Variants in PRKG1 observed in about 807,000 individuals in gnomAD.
The protein encoded by PRKG1 is cGMP-dependent protein kinase 1.
In PRKG1, 35 loss-of-function variants were observed where a neutral mutation model predicts 88.1. The observed-to-expected ratio is 0.40, with a 90% CI of 0.30 to 0.53. PRKG1 has a LOEUF of 0.53. Ranked by LOEUF, PRKG1 falls within the 20% of genes least tolerant of loss-of-function variation. PRKG1 has a pLI of 0.59. For synonymous variants in PRKG1, 303 were observed against 292.5 expected, an observed-to-expected ratio of 1.04 and a Z score of -0.37; for missense variants, 540 against 839.8, an observed-to-expected ratio of 0.64 and a Z score of 4.41.
chr10:51,614,415 T>G (rs1020186139), intron 3 of PRKG1, among the ~76,000 whole-genome samples: 1 of 151,910 alleles, frequency 6.6e-6, no homozygotes, highest in Non-Finnish European at 1.5e-5. Context: ...AGGCAGCATA[T>G]AGTTGTATCT....
intron 10 of PRKG1, among the ~76,000 whole-genome samples, chr10:52,262,781 AG>A (rs1434716266): frequency 6.6e-6 from 1 of 152,148 alleles, no homozygotes; most frequent in African/African-American, 2.4e-5. Flanking sequence ...AATATGGCAT[AG>A]TATTTGCATA....
rs576703618 is a variant in PRKG1, at chr10:51,304,606, T to C, written c.478+151276T>C. Among the ~76,000 whole-genome samples the C allele has an allele frequency of 2.2e-3, 326 of 150,000 alleles. 1 individual carries two copies. Among genetic ancestry groups the C allele is most frequent in the Non-Finnish European group, 3.9e-3 (266 of 67,380 alleles). Reference sequence around the variant, plus strand: ...CATTAACTCATCATTTAGCATTAGGTATATCTCCTAATGCTATCCCTCCCC... The same window carrying C: ...CATTAACTCATCATTTAGCATTAGGCATATCTCCTAATGCTATCCCTCCCC... On this transcript the variant is annotated intron_variant, in intron 2 of 17. Transcript: ENST00000373980.
In PRKG1 at chr10:51,156,314, A is replaced by ACACACACACACACACACACACACACACAC. The variant is rs60689292; in HGVS notation, c.478+2984_478+2985insCACACACACACACACACACACACACACAC. On this transcript the variant is annotated intron_variant, in intron 2 of 17. Transcript: ENST00000373980. Reference sequence around the variant, plus strand: ...TGATGCAAGCACACACACACACACAAACACACACACCCGAATGTAACAAAA... The same window carrying ACACACACACACACACACACACACACACAC: ...TGATGCAAGCACACACACACACACAACACACACACACACACACACACACACACACACACACACACCCGAATGTAACAAAA... Among the ~76,000 whole-genome samples, 20 of 147,136 alleles carry ACACACACACACACACACACACACACACAC rather than the reference A, an allele frequency of 1.4e-4. 2 individuals are homozygous for ACACACACACACACACACACACACACACAC. The highest frequency in any genetic ancestry group is 5.4e-4 in the Admixed American group (8 of 14,712).
chr10:52,153,786 C>CT (rs1838007564), intron 8 of PRKG1, among the ~76,000 whole-genome samples: 2 of 152,042 alleles, frequency 1.3e-5, no homozygotes, highest in Non-Finnish European at 1.5e-5. Flanking sequence ...GCTCTTGTTG[C>CT]CCAGGCTGGA....
chr10:51,837,969 G>T (rs1840173801), intron 4 of PRKG1, among the ~76,000 whole-genome samples: 1 of 152,128 alleles, frequency 6.6e-6, no homozygotes, highest in Non-Finnish European at 1.5e-5. Context: ...CGTCAAGGAT[G>T]AGTCTCACTG....
At chr10:52,086,224 T>C (rs1014795407) in intron 7 of PRKG1, among the ~76,000 whole-genome samples, 3 of 152,146 alleles carry the variant, frequency 2.0e-5, no homozygotes, top group East Asian at 1.9e-4. Context: ...CCACCTCTTA[T>C]AGGAAACCAG....
At chr10:51,574,520 A>T (rs566006807) in intron 3 of PRKG1, among the ~76,000 whole-genome samples, 98 of 152,070 alleles carry the variant, frequency 6.4e-4, no homozygotes, top group African/African-American at 2.2e-3. Context: ...AGCACTCAAC[A>T]TTCCAACTCA....
At chr10:51,283,008 A>G (rs776459422) in intron 2 of PRKG1, among the ~76,000 whole-genome samples, 1 of 152,080 alleles carries the variant, frequency 6.6e-6, no homozygotes, top group Non-Finnish European at 1.5e-5. Context: ...GGACAGATGC[A>G]CCTTCTCTCT....
rs1841470038 is a variant in PRKG1 at position 51,513,152 on chromosome 10, T to C, written c.592+45316T>C. ...CTCAAAATAAAAGGATGGAGGAAGA[T>C]CTACCAAGCAAATGGAAAACAAAAA... On this transcript the variant is annotated intron_variant, in intron 3 of 17. Coordinates refer to ENST00000373980, the MANE Select transcript of PRKG1 (RefSeq NM_006258.4). 2.0e-5 allele frequency among the ~76,000 whole-genome samples: 3 copies of C among 151,148 alleles called. No homozygotes were observed. The South Asian group carries it at 6.3e-4, about 32-fold the overall frequency.
At chr10:51,662,438 A>G (rs1840322751) in intron 3 of PRKG1, among the ~76,000 whole-genome samples, 1 of 152,144 alleles carries the variant, frequency 6.6e-6, no homozygotes, top group African/African-American at 2.4e-5. Context: ...TTTGAGCAAT[A>G]AACACACACA....
At chr10:51,104,712 T>A (rs1844782067) in intron 1 of PRKG1, among the ~76,000 whole-genome samples, 1 of 137,238 alleles carries the variant, frequency 7.3e-6, no homozygotes, top group Non-Finnish European at 1.6e-5. Context: ...ATTTATTTAT[T>A]TATTTATTTA....
Position 51,193,710 on chromosome 10 carries a change from T to A in PRKG1, c.478+40380T>A, listed in dbSNP as rs191235750. ...ATTGATTCTTATCCCTGGATCCAAC[T>A]TCCCTGTTGCTGGTCATCAGAGATC... is the stretch of plus-strand genomic sequence containing the variant. On this transcript the variant is annotated intron_variant, in intron 2 of 17. Coordinates refer to ENST00000373980, the MANE Select transcript of PRKG1 (RefSeq NM_006258.4). Among the ~76,000 whole-genome samples the A allele has an allele frequency of 1.0e-3, 154 of 152,198 alleles. 1 individual carries two copies. The highest frequency in any genetic ancestry group is 3.1e-3 in the African/African-American group (130 of 41,558).
intron 3 of PRKG1, among the ~76,000 whole-genome samples, chr10:51,611,160 T>G (rs1838896259): frequency 6.6e-6 from 1 of 152,196 alleles, no homozygotes; most frequent in Admixed American, 6.5e-5. Flanking sequence ...GATTGCTGGA[T>G]AGTGTGACAG....
At chr10:52,116,201 T>C (rs73342957) in intron 7 of PRKG1, among the ~76,000 whole-genome samples, 4,210 of 152,262 alleles carry the variant, frequency 0.028, 219 homozygotes, top group African/African-American at 0.095. Flanking sequence ...TTTGTTTCCA[T>C]ATTAAGTTAG....
intron 9 of PRKG1, among the ~76,000 whole-genome samples, chr10:52,166,839 GTATATATATGTCTA>G (rs1838479291): frequency 1.1e-5 from 1 of 90,482 alleles, no homozygotes; most frequent in African/African-American, 4.7e-5. Flanking sequence ...GTATATATAT[GTATATATATGTCTA>G]TATATATATC....
intron 3 of PRKG1, among the ~76,000 whole-genome samples, chr10:51,725,497 A>G (rs1842108768): frequency 6.6e-6 from 1 of 151,440 alleles, no homozygotes; most frequent in South Asian, 2.1e-4. Flanking sequence ...TGGCCTGTAT[A>G]TGAGTCCATG....
intron 1 of PRKG1, among the ~76,000 whole-genome samples, chr10:51,051,702 A>C (rs1843563740): frequency 6.6e-6 from 1 of 152,172 alleles, no homozygotes; most frequent in Non-Finnish European, 1.5e-5. Flanking sequence ...TCTATAAATA[A>C]ACTTAAATAA....
chr10:51,116,980 G>T (rs890567577), intron 1 of PRKG1, among the ~76,000 whole-genome samples: 2 of 152,102 alleles, frequency 1.3e-5, no homozygotes, highest in African/African-American at 4.8e-5. Context: ...TCATAAGAGG[G>T]AATGGGTAGA....
At chr10:52,031,285 A>G (rs1034649978) in intron 5 of PRKG1, among the ~76,000 whole-genome samples, 3 of 152,220 alleles carry the variant, frequency 2.0e-5, no homozygotes, top group African/African-American at 7.2e-5. Flanking sequence ...TCTGTTTTCC[A>G]TCTCAAGCTT....
Sources: allele counts gnomAD v4.1 joint callset (sites outside exome capture counted in the v4.1 genomes callset), GRCh38; gene constraint gnomAD v4.1.1; transcripts MANE v1.5; gene names NCBI Gene and HGNC (gene_info 2026-07-23, HGNC 2026-07-21).